MAML1: variants seen among roughly 807,000 people sequenced by gnomAD.
MAML1 encodes mastermind like transcriptional coactivator 1, also known as mastermind-like protein 1.
MAML1 carries 14 observed loss-of-function variants against 77.1 expected under a neutral mutation model. The ratio of observed to expected loss-of-function variants is 0.18; its 90% CI spans 0.12 to 0.28. The LOEUF (loss-of-function observed/expected upper bound fraction) is 0.28, where lower values mean the gene tolerates loss of function less well. Among genes scored for constraint, MAML1 ranks in the 10% least tolerant of loss-of-function variants. MAML1 has a pLI of 1.00. For synonymous variants in MAML1, 516 were observed against 551.9 expected (o/e 0.93, Z 0.91); for missense variants, 1,217 against 1,327.8 (o/e 0.92, Z 1.30).
chr5:179,748,074 T>C (rs1779416331), intron 1 of MAML1, among the ~76,000 whole-genome samples: 1 of 152,074 alleles, frequency 6.6e-6, no homozygotes, highest in African/African-American at 2.4e-5. Context: ...GTTAACACTA[T>C]TGCATACTTT....
At chr5:179,749,252 G>A (rs1376428707) in intron 1 of MAML1, among the ~76,000 whole-genome samples, 1 of 152,120 alleles carries the variant, frequency 6.6e-6, no homozygotes, top group South Asian at 2.1e-4. Context: ...TCAGCCTCCC[G>A]AGTAGCTGAG....
intron 3 of MAML1, chr5:179,770,935 A>G (rs1169237911): frequency 4.2e-6 from 2 of 476,438 alleles, no homozygotes; most frequent in Non-Finnish European, 7.7e-6. Flanking sequence ...ATTTTTTAAA[A>G]ACAGGTATAC....
At chr5:179,767,412 T>A (rs1779841998) in intron 2 of MAML1, among the ~76,000 whole-genome samples, 2 of 152,236 alleles carry the variant, frequency 1.3e-5, no homozygotes, top group African/African-American at 4.8e-5. Flanking sequence ...GATGAGAGTG[T>A]GTAAATGAGC....
At chr5:179,752,350 A>ATATATAT (rs57005189) in intron 1 of MAML1, among the ~76,000 whole-genome samples, 93 of 66,672 alleles carry the variant, frequency 1.4e-3, no homozygotes, top group Non-Finnish European at 2.1e-3. Flanking sequence ...AAAAAAAAAA[A>ATATATAT]ATATATATAT....
At chr5:179,770,218 G>T (rs1280248709) in intron 3 of MAML1, among the ~76,000 whole-genome samples, 1 of 152,166 alleles carries the variant, frequency 6.6e-6, no homozygotes, top group Non-Finnish European at 1.5e-5. Context: ...GGAGGCCGAG[G>T]TGGGCGGATC....
chr5:179,765,751 C>T lies in MAML1; in HGVS notation c.741C>T (p.Asn247=), dbSNP rs557255881. 51 of 1,613,930 alleles carry T rather than the reference C, an allele frequency of 3.2e-5. No homozygotes were observed. In the African/African-American group the frequency reaches 4.5e-4, roughly 14 times the overall value. ...QSNLMPDLNL[N]EQEWKELIEE... ...ACCTCATGCCAGACCTCAACCTTAA[C>T]GAGCAGGAGTGGAAGGAGCTCATCG... Residue 247 remains asparagine, a synonymous_variant, in exon 2 of 5, where the codon AAC becomes AAT. Coordinates refer to ENST00000292599, the MANE Select transcript of MAML1 (RefSeq NM_014757.5).
rs181563445 is a variant in MAML1, at chr5:179,745,396, C to G, written c.315+11969C>G. Among the ~76,000 whole-genome samples the G allele has an allele frequency of 5.9e-5, 9 of 151,918 alleles. No homozygotes were observed. In the South Asian group the frequency reaches 6.2e-4, roughly 10 times the overall value. On this transcript the variant is annotated intron_variant, in intron 1 of 4. Transcript: ENST00000292599. ...TTTGTAAATTTAAGTCCCAGAAATT[C>G]TTGCTCACATAAATAAACTATAAAG... is the stretch of plus-strand genomic sequence containing the variant.
rs918380817 is a variant in MAML1, at chr5:179,774,541, A to G, written c.2715A>G (p.Pro905=). The G allele has an allele frequency of 6.2e-7, 1 of 1,612,978 alleles. No homozygotes were observed. Among genetic ancestry groups the G allele is most frequent in the Non-Finnish European group, 8.5e-7 (1 of 1,179,948 alleles). ...SAAAVGSLLP[P]VSAQQRTSAP... ...CTGCCGTGGGGTCCTTGCTACCCCC[A>G]GTGAGTGCACAGCAGAGGACCAGCG... The change falls in exon 5 of 5, where the codon CCA becomes CCG. Residue 905 remains proline, a synonymous_variant. Coordinates refer to ENST00000292599, the MANE Select transcript of MAML1 (RefSeq NM_014757.5).
In MAML1 at chr5:179,769,675, C is replaced by T. The variant is rs1002864125; in HGVS notation, c.1971+586C>T. Among the ~76,000 whole-genome samples, 3 of 152,066 alleles carry T rather than the reference C, an allele frequency of 2.0e-5. No homozygotes were observed. The highest frequency in any genetic ancestry group is 4.4e-5 in the Non-Finnish European group (3 of 68,008). On this transcript the variant is annotated intron_variant, in intron 3 of 4. Coordinates refer to ENST00000292599, the MANE Select transcript of MAML1 (RefSeq NM_014757.5). This position sits in a 1 kb window ranked among gnomAD's most constrained non-coding sequence, Gnocchi z 4.2. ...TCATGCAATTCTCCTGCCTCAGCCTCCCGAGTAGCTGGGACTACAGGCAAG... is the reference window on the plus strand; with the variant it reads ...TCATGCAATTCTCCTGCCTCAGCCTTCCGAGTAGCTGGGACTACAGGCAAG...
In MAML1 at chr5:179,776,653, AGGCTGG is replaced by A. The variant is rs1756139199; in HGVS notation, c.*1777_*1782del. Reference sequence around the variant, plus strand: ...GGCTTTTCTCCCAAAAATCGGCTGAAGGCTGGTTGTGGATCCTTGTTCCTCTCCTGA... The same window carrying A: ...GGCTTTTCTCCCAAAAATCGGCTGAATTGTGGATCCTTGTTCCTCTCCTGA... On this transcript the variant is annotated 3_prime_UTR_variant, in exon 5 of 5. Transcript: ENST00000292599. 2.0e-6 allele frequency: 2 copies of A among 985,646 alleles called. No individual in the cohort carries two copies. Among genetic ancestry groups the A allele is most frequent in the Non-Finnish European group, 2.4e-6 (2 of 829,978 alleles). The allele number at this position is 985,646 out of a possible 1,614,324, so 61.1% of individuals were successfully genotyped here.
intron 1 of MAML1, among the ~76,000 whole-genome samples, chr5:179,752,101 G>A (rs1235832678): frequency 6.6e-6 from 1 of 151,908 alleles, no homozygotes; most frequent in Non-Finnish European, 1.5e-5. Context: ...GCCGAGGTGG[G>A]TGGATCACGA....
rs578226932 is a variant in MAML1 at position 179,774,216 on chromosome 5, A to G, written c.2390A>G (p.Tyr797Cys). ...CAGAACACCTCCGTCTCAGCTGCCT[A>G]TGGGCAGAACTCTCTGGGAAGCTCT... Reference protein sequence around the residue: ...VGQNTSVSAAYGQNSLGSSGL... With the variant: ...VGQNTSVSAACGQNSLGSSGL... The change falls in exon 5 of 5, where the codon TAT becomes TGT. Residue 797 changes from tyrosine (Y) to cysteine (C), a missense_variant. This residue lies in a region of MAML1 where 884 missense variants were observed against 949.3 expected (regional missense o/e 0.93). Coordinates refer to ENST00000292599, the MANE Select transcript of MAML1 (RefSeq NM_014757.5). The G allele has an allele frequency of 7.4e-6, 12 of 1,613,370 alleles. No homozygotes were observed. The highest frequency in any genetic ancestry group is 4.5e-5 in the East Asian group (2 of 44,892).
Position 179,766,519 on chromosome 5 carries a change from G to C in MAML1, c.1509G>C (p.Ala503=). The change falls in exon 2 of 5, where the codon GCG becomes GCC. Residue 503 remains alanine, a synonymous_variant. Transcript: ENST00000292599. This position sits in a 1 kb window ranked among gnomAD's most constrained non-coding sequence, Gnocchi z 4.0. ...CGAGTAACTTGAATCAGAACTCCGCGAATAACCAGGGGTCTGTGCTGGACT... is the reference window on the plus strand; with the variant it reads ...CGAGTAACTTGAATCAGAACTCCGCCAATAACCAGGGGTCTGTGCTGGACT... ...QPPSNLNQNS[A]NNQGSVLDYG... 1.2e-6 allele frequency: 2 copies of C among 1,602,772 alleles called. No homozygotes were observed. Among genetic ancestry groups the C allele is most frequent in the Non-Finnish European group, 1.7e-6 (2 of 1,174,484 alleles).
At chr5:179,754,196 C>T (rs913137466) in intron 1 of MAML1, among the ~76,000 whole-genome samples, 1 of 152,172 alleles carries the variant, frequency 6.6e-6, no homozygotes, top group Admixed American at 6.5e-5. Context: ...ATGGGAGGAT[C>T]ACTTGAGCCT....
intron 1 of MAML1, among the ~76,000 whole-genome samples, chr5:179,736,321 T>A (rs1779170628): frequency 6.6e-6 from 1 of 151,562 alleles, no homozygotes; most frequent in Non-Finnish European, 1.5e-5. Flanking sequence ...GGTGCCATCT[T>A]GGCTCACTGC....
chr5:179,751,170 A>G (rs1449690550), intron 1 of MAML1, among the ~76,000 whole-genome samples: 1 of 151,748 alleles, frequency 6.6e-6, no homozygotes, highest in Non-Finnish European at 1.5e-5. Flanking sequence ...ACAGGGTTTC[A>G]CCATATTGGT....
At chr5:179,770,845 G>A (rs1346742646) in intron 3 of MAML1, 2 of 285,580 alleles carry the variant, frequency 7.0e-6, no homozygotes, top group Non-Finnish European at 1.4e-5. Flanking sequence ...CCAACCACTT[G>A]TTATCATCTG....
chr5:179,757,141 C>A (rs1037267068), intron 1 of MAML1, among the ~76,000 whole-genome samples: 1 of 152,074 alleles, frequency 6.6e-6, no homozygotes, highest in Non-Finnish European at 1.5e-5. Flanking sequence ...TAATGACTTG[C>A]ACTCTATTTA....
intron 1 of MAML1, among the ~76,000 whole-genome samples, chr5:179,738,779 G>A (rs541492086): frequency 6.8e-6 from 1 of 147,998 alleles, no homozygotes; most frequent in East Asian, 2.0e-4. Context: ...AAATTTATTG[G>A]CATCTTTTTT....
Sources: gnomAD v4.1 joint callset for allele counts (sites outside exome capture counted in the v4.1 genomes callset) on GRCh38, gnomAD v4.1.1 for gene constraint, gnomAD v4.1.1 regional missense constraint, Gnocchi (gnomAD v3.1) non-coding constraint, MANE v1.5 for transcripts, NCBI Gene and HGNC (gene_info 2026-07-23, HGNC 2026-07-21) for gene names.